Variants in GYS2 observed in about 807,000 individuals in gnomAD.
The protein encoded by GYS2 is glycogen [starch] synthase, liver.
Under a neutral mutation model 85.6 loss-of-function variants are expected in GYS2, and 80 were observed. The observed-to-expected ratio is 0.93, with a 90% confidence interval of 0.78 to 1.13. The LOEUF is 1.13. Among genes scored for constraint, GYS2 ranks in the 50% most tolerant of loss-of-function variants. The probability of loss-of-function intolerance (pLI) is 0.00; values close to 1 mark genes in which losing one functional copy is unlikely to be tolerated. For missense variants in GYS2, 881 were observed against 854.9 expected, an observed-to-expected ratio of 1.03 and a Z score of -0.38; for synonymous variants, 328 against 300.7, an observed-to-expected ratio of 1.09 and a Z score of -0.94.
intron 2 of GYS2, among the ~76,000 whole-genome samples, chr12:21,577,227 T>C (rs1002852158): frequency 1.3e-5 from 2 of 152,218 alleles, no homozygotes; most frequent in African/African-American, 4.8e-5. Flanking sequence ...TTCAATAGTT[T>C]TTCTCCTTGG....
At position 21,537,006 on chromosome 12, in the gene GYS2, A is replaced by T. The variant is rs377417090; in HGVS notation, c.2060T>A (p.Leu687Gln). 1.9e-5 allele frequency: 30 copies of T among 1,614,044 alleles called. No homozygotes were observed. Among genetic ancestry groups the T allele is most frequent in the Admixed American group, 1.8e-4 (11 of 60,018 alleles). The change falls in exon 16 of 16, where the codon CTG becomes CAG. Residue 687 changes from leucine to glutamine, a missense_variant. Transcript: ENST00000261195. ...DRLNIKSPFSLSHVPHGKKKL... is the reference protein window; with the variant it reads ...DRLNIKSPFSQSHVPHGKKKL... ...TTTCTTCCCATGAGGAACGTGGCTC[A>T]GTGAAAATGGTGACTTGATATTTAA...
At chr12:21,583,908 G>C (rs557860134) in intron 1 of GYS2, among the ~76,000 whole-genome samples, 5 of 152,184 alleles carry the variant, frequency 3.3e-5, no homozygotes, top group Admixed American at 6.5e-5. Context: ...TGAGAAAGGG[G>C]CTCAAATGCC....
intron 15 of GYS2, chr12:21,537,488 A>T (rs1943924013): frequency 2.9e-6 from 1 of 349,136 alleles, no homozygotes; most frequent in East Asian, 7.0e-5. Flanking sequence ...TAGAGGGGTC[A>T]AGTAACTTGC....
chr12:21,538,613 A>G (rs190497959), intron 15 of GYS2, among the ~76,000 whole-genome samples: 2 of 152,202 alleles, frequency 1.3e-5, no homozygotes, highest in Admixed American at 6.5e-5. Flanking sequence ...GCTGTCACCT[A>G]GTGTGTAGGC....
At chr12:21,563,760 A>T (rs1231975395) in intron 5 of GYS2, among the ~76,000 whole-genome samples, 2 of 152,196 alleles carry the variant, frequency 1.3e-5, no homozygotes, top group Non-Finnish European at 2.9e-5. Context: ...GTGGAAACTC[A>T]GGCACAGAGT....
chr12:21,603,347 G>T (rs1944774085), intron 1 of GYS2, among the ~76,000 whole-genome samples: 2 of 151,934 alleles, frequency 1.3e-5, no homozygotes, highest in East Asian at 1.9e-4. Context: ...TTTTAATTTT[G>T]ATTTTATGAA....
downstream of GYS2, among the ~76,000 whole-genome samples, chr12:21,535,454 C>T (rs1277416421): frequency 6.6e-6 from 1 of 152,098 alleles, no homozygotes. Context: ...TGCAGATGCT[C>T]GGTTAATTGG....
intron 5 of GYS2, among the ~76,000 whole-genome samples, chr12:21,568,056 A>G (rs1944343017): frequency 6.6e-6 from 1 of 151,652 alleles, no homozygotes; most frequent in Admixed American, 6.6e-5. Flanking sequence ...TGGGCAATGG[A>G]GCAAGACTCC....
intron 1 of GYS2, among the ~76,000 whole-genome samples, chr12:21,599,070 G>T (rs78138154): frequency 4.6e-4 from 69 of 149,334 alleles, no homozygotes; most frequent in South Asian, 2.1e-3. Flanking sequence ...CCTCTCTCTC[G>T]CTCTCTCTCT....
At chr12:21,558,430 G>A in intron 10 of GYS2, 117 bp from the exon 11 acceptor site, 1 of 707,472 alleles carries the variant, frequency 1.4e-6, no homozygotes, top group East Asian at 2.7e-5. Context: ...CTTTTGAGAT[G>A]GCACTAATGA....
rs933343852 is a variant in GYS2 at position 21,569,003 on chromosome 12, T to A, written c.685A>T (p.Ile229Phe). ...DFYNHLDKFN[I>F]DKEAGERQIY... ...TGCCTTTCCCCAGCCTCTTTGTCAATGTTAAACTGTTAGAAACAAAAATAA... is the reference window on the plus strand; with the variant it reads ...TGCCTTTCCCCAGCCTCTTTGTCAAAGTTAAACTGTTAGAAACAAAAATAA... The change falls in exon 5 of 16, where the codon ATT becomes TTT. Residue 229 changes from isoleucine (I) to phenylalanine (F), a missense_variant. Physicochemically the swap from Ile to Phe is conservative, Grantham distance 21. Transcript: ENST00000261195. 3 of 1,614,152 alleles carry A rather than the reference T, an allele frequency of 1.9e-6. No homozygotes were observed. Among genetic ancestry groups the A allele is most frequent in the Non-Finnish European group, 2.5e-6 (3 of 1,179,974 alleles).
At chr12:21,578,410 C>T (rs1944470204) in intron 2 of GYS2, among the ~76,000 whole-genome samples, 2 of 152,180 alleles carry the variant, frequency 1.3e-5, no homozygotes. Flanking sequence ...TTAAACAACA[C>T]TGGATCTTCA....
chr12:21,563,237 T>C lies in GYS2; in HGVS notation c.932A>G (p.His311Arg), dbSNP rs1944277297. 6.3e-7 allele frequency: 1 copy of C among 1,587,034 alleles called. No homozygotes were observed. The highest frequency in any genetic ancestry group is 8.7e-7 in the Non-Finnish European group (1 of 1,155,446). The change falls in exon 6 of 16, where the codon CAT becomes CGT. Residue 311 changes from histidine (H) to arginine (R), a missense_variant. By Grantham distance (29) the His-to-Arg change is conservative. Coordinates refer to ENST00000261195, the MANE Select transcript of GYS2 (RefSeq NM_021957.4). Reference sequence around the variant, plus strand: ...ATAAAGAAAATCATACCCATAGAAATGACCTCGAACAAAATCTTGGATTCT... The same window carrying C: ...ATAAAGAAAATCATACCCATAGAAACGACCTCGAACAAAATCTTGGATTCT... ...KARIQDFVRG[H>R]FYGHLDFDLE...
At chr12:21,548,252 C>G (rs1944065578) in intron 11 of GYS2, among the ~76,000 whole-genome samples, 1 of 152,106 alleles carries the variant, frequency 6.6e-6, no homozygotes, top group South Asian at 2.1e-4. Context: ...GGTTACAGAT[C>G]CAGAAATCAA....
intron 1 of GYS2, among the ~76,000 whole-genome samples, 170 bp downstream of exon 1, chr12:21,604,302 C>T (rs550298604): frequency 6.6e-6 from 1 of 152,162 alleles, no homozygotes; most frequent in East Asian, 1.9e-4. Flanking sequence ...GTATTCATAG[C>T]CTGTTGTAAT....
intron 13 of GYS2, 34 bp downstream of exon 13, chr12:21,542,462 C>T (rs886625628): frequency 7.4e-7 from 1 of 1,344,720 alleles, no homozygotes; most frequent in Admixed American, 1.7e-5. Flanking sequence ...GAGGTCATGT[C>T]TCCCCAGCAT....
intron 5 of GYS2, among the ~76,000 whole-genome samples, chr12:21,564,403 C>T (rs1346952255): frequency 6.6e-6 from 1 of 151,204 alleles, no homozygotes; most frequent in Non-Finnish European, 1.5e-5. Flanking sequence ...TGCACTTCAG[C>T]CTGGGTGACA....
intron 5 of GYS2, among the ~76,000 whole-genome samples, chr12:21,566,747 G>A (rs34959094): frequency 0.19 from 28,594 of 152,090 alleles, 2,761 homozygotes; most frequent in Middle Eastern, 0.33. Flanking sequence ...AAGACACAGA[G>A]AGCTTAAGTA....
chr12:21,564,497 A>G (rs1000896066), intron 5 of GYS2, among the ~76,000 whole-genome samples: 3 of 152,272 alleles, frequency 2.0e-5, no homozygotes, highest in East Asian at 3.9e-4. Flanking sequence ...CCACAAAATC[A>G]ATCCAGGCTT....
Sources: allele counts gnomAD v4.1 joint callset (sites outside exome capture counted in the v4.1 genomes callset), GRCh38; gene constraint gnomAD v4.1.1; transcripts MANE v1.5; gene names NCBI Gene and HGNC (gene_info 2026-07-23, HGNC 2026-07-21).